COG3: variants seen among roughly 807,000 people sequenced by gnomAD.
COG3 encodes the protein conserved oligomeric Golgi complex subunit 3.
A neutral mutation model predicts 114.1 loss-of-function variants in COG3; 32 were observed. That is an observed-to-expected ratio of 0.28 (90% CI 0.21 to 0.38). The LOEUF (loss-of-function observed/expected upper bound fraction) is 0.38, where lower values mean the gene tolerates loss of function less well. COG3 is among the 10% of genes least tolerant of loss of function. The pLI is 1.00. For missense variants in COG3, 813 were observed against 973.2 expected (o/e 0.84, Z 2.19); for synonymous variants, 352 against 365.7 (o/e 0.96, Z 0.43).
At chr13:45,524,686 C>G (rs1346366183) in intron 19 of COG3, among the ~76,000 whole-genome samples, 1 of 152,086 alleles carries the variant, frequency 6.6e-6, no homozygotes, top group Non-Finnish European at 1.5e-5. Context: ...TTTTGTCTTC[C>G]TAGTGGGAAG....
At position 45,511,860 on chromosome 13, in the gene COG3, A is replaced by T; in HGVS notation, c.1809+6A>T. 1 of 1,604,630 alleles carries T rather than the reference A, an allele frequency of 6.2e-7. No individual in the cohort carries two copies. The highest frequency in any genetic ancestry group is 1.1e-5 in the South Asian group (1 of 90,892). On this transcript the variant is annotated splice_donor_region_variant and intron_variant, in intron 16 of 22. Transcript: ENST00000349995. ...AGTCTATCAGCAAAAACAAGGTTTGATGAAGTGTTAGGTGAAATCCTGTTT... is the reference window on the plus strand; with the variant it reads ...AGTCTATCAGCAAAAACAAGGTTTGTTGAAGTGTTAGGTGAAATCCTGTTT...
Position 45,519,009 on chromosome 13 carries a change from AC to A in COG3, c.2071del (p.Arg691ValfsTer3). 1 of 1,614,180 alleles carries A rather than the reference AC, an allele frequency of 6.2e-7. No homozygotes were observed. Among genetic ancestry groups the A allele is most frequent in the Non-Finnish European group, 8.5e-7 (1 of 1,180,014 alleles). The stretch of plus-strand genomic sequence containing the variant: ...TATCTTGACTCTAAAAAAGACGTAG[AC>A]CGTCATCTGAAATCGGCCTGTGAGC... Reference protein sequence around the residue: ...EHYLDSKKDVDRHLKSACEQF... With the variant: ...EHYLDSKKDVXRHLKSACEQF... On this transcript the variant is annotated frameshift_variant, in exon 19 of 23. Transcript: ENST00000349995. LOFTEE classifies it high-confidence loss of function.
At chr13:45,483,894 G>A (rs1886408744) in intron 7 of COG3, among the ~76,000 whole-genome samples, 1 of 152,090 alleles carries the variant, frequency 6.6e-6, no homozygotes, top group Non-Finnish European at 1.5e-5. Context: ...GAAACAAAGA[G>A]GCGCTAATAA....
chr13:45,532,348 A>C (rs772660311), intron 22 of COG3, among the ~76,000 whole-genome samples: 5 of 152,052 alleles, frequency 3.3e-5, no homozygotes, highest in Admixed American at 6.6e-5. Context: ...TCGATATATA[A>C]TTGGGTTTCT....
In COG3 at chr13:45,525,481, A is replaced by G. The variant is rs570009735; in HGVS notation, c.2230+430A>G. On this transcript the variant is annotated intron_variant, in intron 20 of 22. Coordinates refer to ENST00000349995, the MANE Select transcript of COG3 (RefSeq NM_031431.4). ...ATTTTGTCCAAGTTATCCTCTGTTG[A>G]CATTTTAGAGTATTGGGAAAAAAAA... Among the ~76,000 whole-genome samples the G allele has an allele frequency of 1.4e-3, 220 of 152,096 alleles. 2 individuals carry two copies. The highest frequency in any genetic ancestry group is 4.5e-3 in the African/African-American group (186 of 41,480).
chr13:45,490,801 A>G, intron 8 of COG3, 114 bp from the exon 9 acceptor site: 1 of 498,512 alleles, frequency 2.0e-6, no homozygotes, highest in Non-Finnish European at 3.4e-6. Context: ...ATGATTTTTA[A>G]CTTTCTTATA....
At chr13:45,496,338 G>T (rs771423799) in intron 13 of COG3, 26 bp downstream of exon 13, 1 of 1,510,504 alleles carries the variant, frequency 6.6e-7, no homozygotes, top group Non-Finnish European at 8.9e-7. Context: ...TTGATCTCCC[G>T]TCTGCCCCCA....
chr13:45,518,645 A>G, intron 17 of COG3, 117 bp from the exon 18 acceptor site: 1 of 678,486 alleles, frequency 1.5e-6, no homozygotes, highest in Non-Finnish European at 2.6e-6. Context: ...CATGGAGGTG[A>G]GTTGCTGAAG....
At position 45,535,852 on chromosome 13, in the gene COG3, G is replaced by C. The variant is rs928824410; in HGVS notation, c.*1121G>C. On this transcript the variant is annotated 3_prime_UTR_variant, in exon 23 of 23. Transcript: ENST00000349995. ...TCCTGATTGGATTGGTTTTGCCGCT[G>C]ATGTTAAGGCAGCCAGCTTCTTAGT... 9 of 987,502 alleles carry C rather than the reference G, an allele frequency of 9.1e-6. No individual in the cohort carries two copies. The African/African-American group carries it at 1.6e-4, about 17-fold the overall frequency. 61.2% of individuals were successfully genotyped at this position (987,502 alleles called of 1,614,324 possible).
rs184845974 is a variant in COG3 at position 45,518,555 on chromosome 13, C to T, written c.1931-207C>T. Among the ~76,000 whole-genome samples, 138 of 152,218 alleles carry T rather than the reference C, an allele frequency of 9.1e-4. 1 individual carries two copies. Among genetic ancestry groups the T allele is most frequent in the African/African-American group, 3.2e-3 (131 of 41,548 alleles). On this transcript the variant is annotated intron_variant, in intron 17 of 22. Coordinates refer to ENST00000349995, the MANE Select transcript of COG3 (RefSeq NM_031431.4). Reference sequence around the variant, plus strand: ...TAAGTGAATAATTGAGATTAATAGTCATTTTGCAATTTGAACTTCTAGAAA... The same window carrying T: ...TAAGTGAATAATTGAGATTAATAGTTATTTTGCAATTTGAACTTCTAGAAA...
At chr13:45,493,539 G>GA (rs530265788) in intron 12 of COG3, 53 bp downstream of exon 12, 1,984 of 1,462,878 alleles carry the variant, frequency 1.4e-3, no homozygotes, top group South Asian at 1.9e-3. Context: ...CAATGAATTT[G>GA]AAAAAAAAAT....
intron 3 of COG3, among the ~76,000 whole-genome samples, chr13:45,479,603 G>A (rs7329628): frequency 0.099 from 15,028 of 152,194 alleles, 2,103 homozygotes; most frequent in African/African-American, 0.31. Context: ...CTTCGTAACA[G>A]CTGTGTGAGG....
In COG3 at chr13:45,466,760, C is replaced by T. The variant is rs564091395; in HGVS notation, c.174+1550C>T. Reference sequence around the variant, plus strand: ...TGTTTTCATTGTCATGGGTCATAAACTATTATTTCTTATTCTCATTGAGCA... The same window carrying T: ...TGTTTTCATTGTCATGGGTCATAAATTATTATTTCTTATTCTCATTGAGCA... On this transcript the variant is annotated intron_variant, in intron 1 of 22. Coordinates refer to ENST00000349995, the MANE Select transcript of COG3 (RefSeq NM_031431.4). 134 of 152,280 alleles carry T rather than the reference C, an allele frequency of 8.8e-4. 1 individual carries two copies. The highest frequency in any genetic ancestry group is 3.1e-3 in the African/African-American group (130 of 41,568). 9.4% of individuals were successfully genotyped at this position (152,280 alleles called of 1,614,324 possible).
At chr13:45,493,548 A>G in intron 12 of COG3, 62 bp downstream of exon 12, 1 of 1,474,586 alleles carries the variant, frequency 6.8e-7, no homozygotes, top group South Asian at 1.3e-5. Context: ...TGAAAAAAAA[A>G]TAAGTGCTTC....
chr13:45,498,019 A>C (rs377044110), intron 13 of COG3, among the ~76,000 whole-genome samples: 4 of 152,218 alleles, frequency 2.6e-5, no homozygotes, highest in African/African-American at 9.6e-5. Flanking sequence ...GGGCATTTTT[A>C]TTTTTAACAC....
rs138970265 is a variant in COG3 at position 45,516,192 on chromosome 13, G to A, written c.1859G>A (p.Arg620His). ...TTAATTAAGCACCTTTTGATACTTCGTGAACAAATTGCTCCATTTCACACT... is the reference window on the plus strand; with the variant it reads ...TTAATTAAGCACCTTTTGATACTTCATGAACAAATTGCTCCATTTCACACT... ...LFLIKHLLIL[R>H]EQIAPFHTEF... Residue 620 changes from arginine (R) to histidine (H), a missense_variant, in exon 17 of 23, where the codon CGT (arginine) becomes CAT (histidine). Transcript: ENST00000349995. 9 of 1,599,460 alleles carry A rather than the reference G, an allele frequency of 5.6e-6. No individual in the cohort carries two copies. The highest frequency in any genetic ancestry group is 1.7e-4 in the Middle Eastern group (1 of 6,016).
intron 1 of COG3, among the ~76,000 whole-genome samples, chr13:45,473,464 G>T (rs563452104): frequency 2.6e-5 from 4 of 152,192 alleles, no homozygotes; most frequent in African/African-American, 7.2e-5. Context: ...GCCCCCCTTA[G>T]ATATAATCTA....
intron 1 of COG3, chr13:45,465,418 A>G: frequency 1.2e-6 from 1 of 848,404 alleles, no homozygotes; most frequent in Non-Finnish European, 1.7e-6. Context: ...CTGCCTGGGG[A>G]CGGCTGTGGG....
intron 14 of COG3, 146 bp downstream of exon 14, chr13:45,503,495 A>C (rs1869767853): frequency 1.7e-6 from 1 of 585,000 alleles, no homozygotes; most frequent in Non-Finnish European, 3.1e-6. Context: ...AGCCACAGAC[A>C]GAATTCAGTG....
Sources: gnomAD v4.1 joint callset for allele counts (sites outside exome capture counted in the v4.1 genomes callset) on GRCh38, gnomAD v4.1.1 for gene constraint, MANE v1.5 for transcripts, NCBI Gene and HGNC (gene_info 2026-07-23, HGNC 2026-07-21) for gene names.